LRRC72: variants seen among roughly 807,000 people sequenced by gnomAD.
The protein encoded by LRRC72 is leucine-rich repeat-containing protein 72.
In LRRC72, 41 loss-of-function variants were observed where a neutral mutation model predicts 35.8. The observed-to-expected ratio is 1.15, with a 90% CI of 0.89 to 1.49. The LOEUF is 1.49. LRRC72 is among the 40% of genes most tolerant of loss of function. The probability of loss-of-function intolerance (pLI) is 0.00; values close to 1 mark genes in which losing one functional copy is unlikely to be tolerated. For missense variants in LRRC72, 389 were observed against 330.7 expected (o/e 1.18, Z -1.37); for synonymous variants, 118 against 119.2 (o/e 0.99, Z 0.07).
intron 7 of LRRC72, among the ~76,000 whole-genome samples, chr7:16,570,696 T>C (rs559543261): frequency 6.6e-6 from 1 of 152,224 alleles, no homozygotes; most frequent in South Asian, 2.1e-4. Context: ...GGCGAGCACC[T>C]GTAATCCCAG....
intron 7 of LRRC72, among the ~76,000 whole-genome samples, chr7:16,571,453 C>T (rs976905656): frequency 1.3e-5 from 2 of 152,196 alleles, no homozygotes; most frequent in South Asian, 2.1e-4. Context: ...GCGAGATCCA[C>T]ACAGAAGGCG....
intron 3 of LRRC72, among the ~76,000 whole-genome samples, chr7:16,554,788 C>T (rs1009346055): frequency 6.6e-6 from 1 of 152,188 alleles, no homozygotes; most frequent in Non-Finnish European, 1.5e-5. Context: ...CGTGGGAAAA[C>T]CATGATTCTA....
chr7:16,527,458 G>GTA (rs1782090501), intron 1 of LRRC72, among the ~76,000 whole-genome samples: 1 of 151,250 alleles, frequency 6.6e-6, no homozygotes, highest in South Asian at 2.1e-4. Context: ...CAACAGGGGT[G>GTA]TGTGTGTGTG....
At chr7:16,559,209 C>T (rs1484243958) in intron 5 of LRRC72, among the ~76,000 whole-genome samples, 23 of 152,070 alleles carry the variant, frequency 1.5e-4, no homozygotes, top group Admixed American at 1.5e-3. Flanking sequence ...GCCTGAGCAA[C>T]ATGGCAAAAC....
chr7:16,561,499 G>C (rs1782743411), intron 5 of LRRC72, among the ~76,000 whole-genome samples: 1 of 152,158 alleles, frequency 6.6e-6, no homozygotes, highest in African/African-American at 2.4e-5. Context: ...ATTGTGCCAG[G>C]CATGAGGAGT....
chr7:16,557,213 A>G, intron 3 of LRRC72, 147 bp from the exon 4 acceptor site: 1 of 237,486 alleles, frequency 4.2e-6, no homozygotes, highest in Non-Finnish European at 8.4e-6. Context: ...CCAGACCAAA[A>G]GGTCACAAAT....
intron 3 of LRRC72, 76 bp downstream of exon 3, chr7:16,537,772 T>C (rs1172051035): frequency 9.3e-6 from 8 of 856,818 alleles, no homozygotes; most frequent in Non-Finnish European, 1.1e-5. Flanking sequence ...AGAGCTAATC[T>C]TTAAAAGTAT....
At chr7:16,558,545 G>A (rs1374907006) in intron 4 of LRRC72, among the ~76,000 whole-genome samples, 1 of 152,050 alleles carries the variant, frequency 6.6e-6, no homozygotes, top group African/African-American at 2.4e-5. Context: ...AGGAGGCGGA[G>A]GTTACAGTGA....
intron 3 of LRRC72, among the ~76,000 whole-genome samples, chr7:16,555,430 T>C (rs1268470819): frequency 1.3e-5 from 2 of 152,186 alleles, no homozygotes; most frequent in Non-Finnish European, 2.9e-5. Flanking sequence ...TTGGGATCCT[T>C]TTTCTGAATC....
rs1782835791 is a variant in LRRC72 at position 16,566,230 on chromosome 7, C to T, written c.428-83C>T. The T allele has an allele frequency of 1.9e-5, 14 of 739,640 alleles. No homozygotes were observed. The Admixed American group carries it at 4.8e-4, about 25-fold the overall frequency. 45.8% of individuals were successfully genotyped at this position (739,640 alleles called of 1,614,324 possible). On this transcript the variant is annotated intron_variant, in intron 5 of 8. Transcript: ENST00000401542. ...ACAAGTTCTTATGTTTTATACGAAT[C>T]TCTTAATTTTTTGTATTTTATAAGT...
intron 3 of LRRC72, among the ~76,000 whole-genome samples, chr7:16,547,335 C>A (rs1324893442): frequency 6.6e-6 from 1 of 152,116 alleles, no homozygotes; most frequent in African/African-American, 2.4e-5. Flanking sequence ...AGTCCCAAGG[C>A]AGAGCTGGGA....
intron 7 of LRRC72, among the ~76,000 whole-genome samples, chr7:16,575,301 T>C (rs539084428): frequency 1.4e-4 from 22 of 152,092 alleles, no homozygotes; most frequent in Non-Finnish European, 2.9e-4. Flanking sequence ...AAGGGTATGG[T>C]CCCCAATCCA....
At chr7:16,576,876 T>C (rs1327061321) in intron 7 of LRRC72, among the ~76,000 whole-genome samples, 1 of 152,074 alleles carries the variant, frequency 6.6e-6, no homozygotes, top group Non-Finnish European at 1.5e-5. Flanking sequence ...CATGTACTAC[T>C]AGGGAAGACA....
intron 7 of LRRC72, among the ~76,000 whole-genome samples, chr7:16,572,610 T>G (rs913423394): frequency 6.6e-6 from 1 of 152,216 alleles, no homozygotes; most frequent in Non-Finnish European, 1.5e-5. Context: ...CACCCCTTCA[T>G]GCTAAAAATC....
chr7:16,541,944 G>GACACAC (rs111489811), intron 3 of LRRC72, among the ~76,000 whole-genome samples: 9 of 149,464 alleles, frequency 6.0e-5, no homozygotes, highest in East Asian at 2.0e-4. Context: ...CAGACAGACA[G>GACACAC]ACACACACAC....
intron 1 of LRRC72, among the ~76,000 whole-genome samples, chr7:16,531,546 A>G (rs1296390631): frequency 1.3e-5 from 2 of 152,240 alleles, no homozygotes; most frequent in Non-Finnish European, 2.9e-5. Context: ...AGAAAGATTT[A>G]TAAGTCATTA....
intron 5 of LRRC72, 137 bp downstream of exon 5, chr7:16,559,136 G>C: frequency 1.9e-6 from 1 of 513,240 alleles, no homozygotes; most frequent in East Asian, 3.6e-5. Flanking sequence ...ACTCACGCCT[G>C]TAATCTCAGT....
chr7:16,532,416 G>T (rs986613252), intron 1 of LRRC72, 79 bp from the exon 2 acceptor site: 183 of 937,632 alleles, frequency 2.0e-4, no homozygotes, highest in Non-Finnish European at 1.8e-4. Flanking sequence ...TCTTGTAGAC[G>T]TTATTGTTAC....
At chr7:16,555,774 CA>C (rs35487083) in intron 3 of LRRC72, among the ~76,000 whole-genome samples, 28,386 of 142,826 alleles carry the variant, frequency 0.2, 2,949 homozygotes, top group South Asian at 0.27. Flanking sequence ...GACTCCATCT[CA>C]AAAAAAAAAA....
Sources: allele counts gnomAD v4.1 joint callset (sites outside exome capture counted in the v4.1 genomes callset), GRCh38; gene constraint gnomAD v4.1.1; transcripts MANE v1.5; gene names NCBI Gene and HGNC (gene_info 2026-07-23, HGNC 2026-07-21).